MMP20: variants seen among roughly 807,000 people sequenced by gnomAD.
The protein encoded by MMP20 is matrix metallopeptidase 20.
Under a neutral mutation model 51.8 loss-of-function variants are expected in MMP20, and 50 were observed. The ratio of observed to expected loss-of-function variants is 0.97; its 90% confidence interval spans 0.77 to 1.22. The LOEUF (loss-of-function observed/expected upper bound fraction) is 1.22. MMP20 is among the 50% of genes most tolerant of loss of function. The probability of loss-of-function intolerance (pLI) is 0.00; values close to 1 mark genes in which losing one functional copy is unlikely to be tolerated. For missense variants in MMP20, 663 were observed against 601.4 expected (o/e 1.10, Z -1.07); for synonymous variants, 244 against 216.2 (o/e 1.13, Z -1.13).
intron 6 of MMP20, among the ~76,000 whole-genome samples, chr11:102,595,637 C>A (rs865846065): frequency 6.6e-6 from 1 of 152,182 alleles, no homozygotes; most frequent in Non-Finnish European, 1.5e-5. Flanking sequence ...GCGCTGGAAG[C>A]ATTTACATCT....
intron 6 of MMP20, among the ~76,000 whole-genome samples, 189 bp from the exon 7 acceptor site, chr11:102,594,946 C>T (rs1391016474): frequency 6.7e-6 from 1 of 148,906 alleles, no homozygotes; most frequent in South Asian, 2.1e-4. Flanking sequence ...TGCTGTTTGG[C>T]CCAGGCTGGA....
chr11:102,577,107 C>T lies in MMP20; in HGVS notation c.*219G>A, dbSNP rs1341616413. On this transcript the variant is annotated 3_prime_UTR_variant, in exon 10 of 10. Coordinates refer to ENST00000260228, the MANE Select transcript of MMP20 (RefSeq NM_004771.4). Reference sequence around the variant, plus strand: ...GAGTGCATTGTGTTGATTTGGATTTCGCATAAAGTTGCCCATATAAAAACT... The same window carrying T: ...GAGTGCATTGTGTTGATTTGGATTTTGCATAAAGTTGCCCATATAAAAACT... The T allele has an allele frequency of 1.9e-5, 10 of 523,988 alleles. No homozygotes were observed. The highest frequency in any genetic ancestry group is 6.3e-5 in the Admixed American group (2 of 31,530). 32.5% of individuals were successfully genotyped at this position (523,988 alleles called of 1,614,324 possible). A position where few individuals can be genotyped will look rare whatever the true frequency, so the allele number is the denominator to read the frequency against.
At chr11:102,583,741 C>T (rs927872970) in intron 8 of MMP20, 1 of 152,158 alleles carries the variant, frequency 6.6e-6, no homozygotes, top group Non-Finnish European at 1.5e-5. Context: ...TGCCATCACC[C>T]GCCCCCACAA....
intron 6 of MMP20, among the ~76,000 whole-genome samples, chr11:102,603,114 A>G (rs1370900279): frequency 6.6e-6 from 1 of 152,248 alleles, no homozygotes. Flanking sequence ...TTTAAAAGGT[A>G]CTGCATTCCA....
At chr11:102,613,190 A>T (rs1356316228) in intron 2 of MMP20, among the ~76,000 whole-genome samples, 8 of 152,184 alleles carry the variant, frequency 5.3e-5, no homozygotes, top group Admixed American at 5.2e-4. Flanking sequence ...GTGGAGTCAG[A>T]GTTGGTGATT....
intron 6 of MMP20, among the ~76,000 whole-genome samples, chr11:102,602,577 T>C (rs1458402572): frequency 3.3e-5 from 5 of 152,180 alleles, no homozygotes; most frequent in African/African-American, 1.2e-4. Flanking sequence ...TTCTTGGTAT[T>C]TCCATTTCAT....
At chr11:102,586,552 A>G (rs1859256586) in intron 8 of MMP20, among the ~76,000 whole-genome samples, 2 of 152,050 alleles carry the variant, frequency 1.3e-5, no homozygotes, top group African/African-American at 4.8e-5. Flanking sequence ...AGTGGCTCAC[A>G]CCTGTAATCC....
At position 102,593,615 on chromosome 11, in the gene MMP20, T is replaced by C. The variant is rs758194839; in HGVS notation, c.1091-20A>G. The C allele has an allele frequency of 2.5e-6, 4 of 1,613,642 alleles. No individual in the cohort carries two copies. The African/African-American group carries it at 4.0e-5, about 16-fold the overall frequency. ...GGGGACCTGAAAACAGAAATTAAAGTTTACGAAAACTCTGCACCACTTGGT... is the reference window on the plus strand; with the variant it reads ...GGGGACCTGAAAACAGAAATTAAAGCTTACGAAAACTCTGCACCACTTGGT... On this transcript the variant is annotated intron_variant, in intron 7 of 9. Coordinates refer to ENST00000260228, the MANE Select transcript of MMP20 (RefSeq NM_004771.4).
intron 5 of MMP20, chr11:102,607,689 T>G (rs1711423): frequency 0.41 from 63,003 of 152,004 alleles, 13,427 homozygotes; most frequent in South Asian, 0.58. Flanking sequence ...TTTCACATTT[T>G]GTTCACCTGT....
At chr11:102,601,514 C>T (rs904812080) in intron 6 of MMP20, among the ~76,000 whole-genome samples, 10 of 152,170 alleles carry the variant, frequency 6.6e-5, no homozygotes, top group African/African-American at 2.2e-4. Flanking sequence ...TTCCTAGGCT[C>T]ATTCTTTAGA....
At chr11:102,614,395 T>C (rs1859640776) in intron 2 of MMP20, among the ~76,000 whole-genome samples, 1 of 152,142 alleles carries the variant, frequency 6.6e-6, no homozygotes, top group Non-Finnish European at 1.5e-5. Context: ...AATGTGTGTG[T>C]TGAGGGGTTT....
chr11:102,625,254 T>C lies in MMP20; in HGVS notation c.66A>G (p.Ala22=), dbSNP rs144554695. The C allele has an allele frequency of 3.5e-5, 57 of 1,613,828 alleles. No homozygotes were observed. Among genetic ancestry groups the C allele is most frequent in the Non-Finnish European group, 4.7e-5 (55 of 1,179,934 alleles). ...GGGAGGCTGCAACTAGGGAGGGGGCTGCAGTGGAAAACTTCAAAGCCATGA... is the reference window on the plus strand; with the variant it reads ...GGGAGGCTGCAACTAGGGAGGGGGCCGCAGTGGAAAACTTCAAAGCCATGA... The part of the protein sequence containing the change: ...FLIMALKFST[A]APSLVAASPR... Residue 22 remains alanine, a synonymous_variant, in exon 1 of 10, where the codon GCA becomes GCG. Coordinates refer to ENST00000260228, the MANE Select transcript of MMP20 (RefSeq NM_004771.4).
At chr11:102,583,731 T>C (rs1412268394) in intron 8 of MMP20, 2 of 152,236 alleles carry the variant, frequency 1.3e-5, no homozygotes, top group African/African-American at 2.4e-5. Context: ...TTTAGAATGT[T>C]GCCATCACCC....
intron 6 of MMP20, among the ~76,000 whole-genome samples, chr11:102,599,141 T>A (rs561437489): frequency 2.6e-5 from 4 of 151,930 alleles, no homozygotes; most frequent in Admixed American, 6.6e-5. Context: ...GCCTCCCAAG[T>A]AGCAGGGACT....
rs116148582 is a variant in MMP20, at chr11:102,615,840, T to G, written c.374+972A>C. Among the ~76,000 whole-genome samples, 1,024 of 151,840 alleles carry G rather than the reference T, an allele frequency of 6.7e-3. 16 individuals carry two copies. The highest frequency in any genetic ancestry group is 0.024 in the African/African-American group (975 of 41,390). ...TGGGGCAGGACCACAAAGAGTGGAGTCCACTCTTCTTTTCTGACCTGCACC... is the reference window on the plus strand; with the variant it reads ...TGGGGCAGGACCACAAAGAGTGGAGGCCACTCTTCTTTTCTGACCTGCACC... On this transcript the variant is annotated intron_variant, in intron 2 of 9. Transcript: ENST00000260228.
chr11:102,609,557 A>G (rs908817112), intron 4 of MMP20, among the ~76,000 whole-genome samples: 1 of 152,208 alleles, frequency 6.6e-6, no homozygotes, highest in African/African-American at 2.4e-5. Flanking sequence ...CACACTTCTC[A>G]GGACAGTACT....
chr11:102,589,223 A>G (rs761753790), intron 8 of MMP20, among the ~76,000 whole-genome samples: 6 of 152,088 alleles, frequency 3.9e-5, no homozygotes, highest in Admixed American at 6.5e-5. Flanking sequence ...ATTTGCTTCA[A>G]CTGCTTTCTC....
chr11:102,598,844 T>C (rs1410871988), intron 6 of MMP20, among the ~76,000 whole-genome samples: 1 of 152,176 alleles, frequency 6.6e-6, no homozygotes, highest in Non-Finnish European at 1.5e-5. Context: ...CCCATCAGAC[T>C]TTCATTTTCA....
chr11:102,619,724 T>G (rs1859723610), intron 1 of MMP20, among the ~76,000 whole-genome samples: 1 of 152,104 alleles, frequency 6.6e-6, no homozygotes, highest in Admixed American at 6.5e-5. Flanking sequence ...TAACAGTGGT[T>G]AAACCTTAAT....
Sources: gnomAD v4.1 joint callset for allele counts (sites outside exome capture counted in the v4.1 genomes callset) on GRCh38, gnomAD v4.1.1 for gene constraint, MANE v1.5 for transcripts, NCBI Gene and HGNC (gene_info 2026-07-23, HGNC 2026-07-21) for gene names.